The following ZNF439 variants were observed in gnomAD, a reference collection of about 807,000 sequenced individuals.
ZNF439 encodes the protein zinc finger protein 439.
A neutral mutation model predicts 47.3 loss-of-function variants in ZNF439; 40 were observed. The ratio of observed to expected loss-of-function variants is 0.85; its 90% CI spans 0.66 to 1.10. The LOEUF (loss-of-function observed/expected upper bound fraction) is 1.10, where lower values mean the gene tolerates loss of function less well. Among genes scored for constraint, ZNF439 ranks in the 50% least tolerant of loss-of-function variants. The probability of loss-of-function intolerance (pLI) is 0.00; values close to 1 mark genes in which losing one functional copy is unlikely to be tolerated. For missense variants in ZNF439, 556 were observed against 601.1 expected (o/e 0.93, Z 0.78); for synonymous variants, 171 against 198.8 (o/e 0.86, Z 1.18).
intron 1 of ZNF439, 175 bp downstream of exon 1, chr19:11,849,105 T>C (rs1048799150): frequency 6.8e-5 from 80 of 1,180,588 alleles, no homozygotes; most frequent in Admixed American, 1.6e-4. Flanking sequence ...ACTCCGGGCG[T>C]CCTGTCCCGT....
intron 1 of ZNF439, chr19:11,856,803 A>G (rs937866519): frequency 2.0e-5 from 3 of 152,256 alleles, no homozygotes; most frequent in Non-Finnish European, 4.4e-5. Flanking sequence ...CTGCTCTATC[A>G]TTACCTAGAG....
At position 11,863,396 on chromosome 19, in the gene ZNF439, G is replaced by C. The variant is rs1028044358; in HGVS notation, c.64-2809G>C. ...GGTTGGTCTCAACCTCCTGACCTCA[G>C]TGATCTACCCTCCTCAGCCTCCCAA... is the stretch of plus-strand genomic sequence containing the variant. On this transcript the variant is annotated intron_variant, in intron 1 of 3. Transcript: ENST00000682736. Among the ~76,000 whole-genome samples, 3 of 152,016 alleles carry C rather than the reference G, an allele frequency of 2.0e-5. No homozygotes were observed. The East Asian group carries it at 5.8e-4, about 29-fold the overall frequency.
chr19:11,866,478 A>G, intron 2 of ZNF439, 59 bp from the exon 3 acceptor site: 1 of 1,604,828 alleles, frequency 6.2e-7, no homozygotes, highest in Non-Finnish European at 8.5e-7. Flanking sequence ...GCATAGGTCT[A>G]ATAATTTTTT....
Position 11,867,933 on chromosome 19 carries a change from TGAAAG to T in ZNF439, c.882_886del (p.Arg295SerfsTer10). 6.2e-7 allele frequency: 1 copy of T among 1,614,086 alleles called. No individual in the cohort carries two copies. Among genetic ancestry groups the T allele is most frequent in the South Asian group, 1.1e-5 (1 of 91,074 alleles). ...ATAGTCCCAGATCCTGTCACAGACA[TGAAAG>T]GAGTCACATGGGAGAGAAGGCTTAT... On this transcript the variant is annotated frameshift_variant, in exon 4 of 4. Coordinates refer to ENST00000682736, the MANE Select transcript of ZNF439 (RefSeq NM_001348719.2). LOFTEE classifies it high-confidence loss of function.
chr19:11,857,171 C>T (rs557997123), intron 1 of ZNF439: 2 of 152,186 alleles, frequency 1.3e-5, no homozygotes, highest in Middle Eastern at 3.4e-3. Flanking sequence ...GGAATAGGCT[C>T]GTGATGAGTA....
chr19:11,849,382 T>G, intron 1 of ZNF439: 1 of 804,422 alleles, frequency 1.2e-6, no homozygotes, highest in Non-Finnish European at 1.5e-6. Flanking sequence ...TCCTGGCTTG[T>G]GGTTTGTCAA....
chr19:11,853,288 G>A (rs192194472), intron 1 of ZNF439, among the ~76,000 whole-genome samples: 67 of 152,194 alleles, frequency 4.4e-4, no homozygotes, highest in Admixed American at 1.4e-3. Context: ...TAGGTACCAC[G>A]GACCCTACTG....
Position 11,868,977 on chromosome 19 carries a change from AC to A in ZNF439, c.*410del. The A allele has an allele frequency of 3.3e-6, 1 of 303,396 alleles. No homozygotes were observed. The highest frequency in any genetic ancestry group is 3.7e-5 in the South Asian group (1 of 26,738). 18.8% of individuals were successfully genotyped at this position (303,396 alleles called of 1,614,324 possible). ...CATGCAAAACACACACTGGAGAGAA[AC>A]CTATGAATGTAAGGAATGCAAACAA... On this transcript the variant is annotated 3_prime_UTR_variant, in exon 4 of 4. Coordinates refer to ENST00000682736, the MANE Select transcript of ZNF439 (RefSeq NM_001348719.2).
At chr19:11,852,247 C>T (rs897562566) in intron 1 of ZNF439, among the ~76,000 whole-genome samples, 1 of 151,828 alleles carries the variant, frequency 6.6e-6, no homozygotes, top group African/African-American at 2.4e-5. Flanking sequence ...ATAGTGAGAC[C>T]CCCCATCTCA....
chr19:11,849,313 G>C (rs1976165232), intron 1 of ZNF439: 1 of 997,126 alleles, frequency 1.0e-6, no homozygotes, highest in Non-Finnish European at 1.2e-6. Flanking sequence ...ATTATACTGA[G>C]GTACGTTAAC....
At chr19:11,849,294 C>T in intron 1 of ZNF439, 3 of 1,006,270 alleles carry the variant, frequency 3.0e-6, no homozygotes, top group Non-Finnish European at 2.4e-6. Flanking sequence ...CCACTTTCTC[C>T]TGTTAAAAAT....
In ZNF439 at chr19:11,854,756, C is replaced by CA. The variant is rs1007150313; in HGVS notation, c.63+5838dup. 3.6e-3 allele frequency among the ~76,000 whole-genome samples: 467 copies of CA among 131,518 alleles called. 2 individuals carry two copies. The highest frequency in any genetic ancestry group is 9.7e-3 in the African/African-American group (346 of 35,510). 86.3% of individuals were successfully genotyped at this position (131,518 alleles called of 152,430 possible). A position where few individuals can be genotyped will look rare whatever the true frequency, so the allele number is the denominator to read the frequency against. Reference sequence around the variant, plus strand: ...TTGGCAACAGAGCAAGGCTCTGTCTCAAAAAAAAAAAAGAGATATTATGTA... The same window carrying CA: ...TTGGCAACAGAGCAAGGCTCTGTCTCAAAAAAAAAAAAAGAGATATTATGTA... On this transcript the variant is annotated intron_variant, in intron 1 of 3. Transcript: ENST00000682736.
chr19:11,850,957 G>A (rs1272363037), intron 1 of ZNF439: 1 of 152,124 alleles, frequency 6.6e-6, no homozygotes, highest in East Asian at 1.9e-4. Flanking sequence ...CTTGAACCTG[G>A]GAGGCAGAGG....
Position 11,848,847 on chromosome 19 carries a change from T to C in ZNF439, c.-21T>C. The stretch of plus-strand genomic sequence containing the variant: ...GACCTAGTGCCTCTACCCAGATTTC[T>C]GTCGCTCTGTCACCTGCGCTATGCC... On this transcript the variant is annotated 5_prime_UTR_variant, in exon 1 of 4. Transcript: ENST00000682736. 1 of 1,546,006 alleles carries C rather than the reference T, an allele frequency of 6.5e-7. No homozygotes were observed. The highest frequency in any genetic ancestry group is 1.7e-5 in the Admixed American group (1 of 57,246).
At chr19:11,848,963 G>A (rs1976150201) in intron 1 of ZNF439, 33 bp downstream of exon 1, 14 of 1,527,096 alleles carry the variant, frequency 9.2e-6, no homozygotes, top group Non-Finnish European at 1.2e-5. Flanking sequence ...GTGCGATGGG[G>A]GAGGGGCTGC....
rs1297038827 is a variant in ZNF439 at position 11,868,325 on chromosome 19, T to A, written c.1271T>A (p.Phe424Tyr). ...PYECKQCGKA[F>Y]RSAPNLQLHG... ...GAGTGTAAGCAATGTGGGAAAGCCTTCAGATCTGCCCCAAATCTTCAATTG... is the reference window on the plus strand; with the variant it reads ...GAGTGTAAGCAATGTGGGAAAGCCTACAGATCTGCCCCAAATCTTCAATTG... The change falls in exon 4 of 4, where the codon TTC becomes TAC. Residue 424 changes from phenylalanine to tyrosine, a missense_variant. Physicochemically the swap from Phe to Tyr is conservative, Grantham distance 22. Coordinates refer to ENST00000682736, the MANE Select transcript of ZNF439 (RefSeq NM_001348719.2). 5 of 1,602,914 alleles carry A rather than the reference T, an allele frequency of 3.1e-6. No homozygotes were observed. Among genetic ancestry groups the A allele is most frequent in the Non-Finnish European group, 4.3e-6 (5 of 1,170,792 alleles).
Position 11,869,062 on chromosome 19 carries a change from C to T in ZNF439, c.*493C>T, listed in dbSNP as rs574764307. On this transcript the variant is annotated 3_prime_UTR_variant, in exon 4 of 4. Coordinates refer to ENST00000682736, the MANE Select transcript of ZNF439 (RefSeq NM_001348719.2). ...GAAAGGACTCATACGAGAGAGAATC[C>T]GTATGAATGTAAGGATTGTGGGAAA... The T allele has an allele frequency of 4.5e-5, 11 of 245,320 alleles. No individual in the cohort carries two copies. Among genetic ancestry groups the T allele is most frequent in the Middle Eastern group, 5.6e-4 (1 of 1,778 alleles). 15.2% of individuals were successfully genotyped at this position (245,320 alleles called of 1,614,324 possible). A position where few individuals can be genotyped will look rare whatever the true frequency, so the allele number is the denominator to read the frequency against.
Position 11,867,304 on chromosome 19 carries a change from A to T in ZNF439, c.252-2A>T, listed in dbSNP as rs1317212226. The T allele has an allele frequency of 2.5e-6, 4 of 1,600,348 alleles. No individual in the cohort carries two copies. In the African/African-American group the frequency reaches 4.1e-5, roughly 16 times the overall value. ...TCATAATTTGTTTCTCATTTTTGAC[A>T]GGAGTGTCACAGAAGAGAAAGTCAA... On this transcript the variant is annotated splice_acceptor_variant, in intron 3 of 3. Coordinates refer to ENST00000682736, the MANE Select transcript of ZNF439 (RefSeq NM_001348719.2). LOFTEE classifies it high-confidence loss of function.
intron 1 of ZNF439, chr19:11,849,307 T>C: frequency 2.0e-6 from 2 of 1,002,720 alleles, no homozygotes; most frequent in Non-Finnish European, 2.4e-6. Flanking sequence ...TTAAAAATTA[T>C]ACTGAGGTAC....
Sources: gnomAD v4.1 joint callset for allele counts (sites outside exome capture counted in the v4.1 genomes callset) on GRCh38, gnomAD v4.1.1 for gene constraint, MANE v1.5 for transcripts, NCBI Gene and HGNC (gene_info 2026-07-23, HGNC 2026-07-21) for gene names.